Variants in NCOA7 observed in about 807,000 individuals in gnomAD.
NCOA7 encodes 140 kDa estrogen receptor-associated protein.
A neutral mutation model predicts 104.3 loss-of-function variants in NCOA7; 45 were observed. The ratio of observed to expected loss-of-function variants is 0.43; its 90% confidence interval spans 0.34 to 0.55. The LOEUF is 0.55. Among genes scored for constraint, NCOA7 ranks in the 20% least tolerant of loss-of-function variants. The pLI is 0.02. For synonymous variants in NCOA7, 398 were observed against 402.3 expected, an observed-to-expected ratio of 0.99 and a Z score of 0.13; for missense variants, 1,041 against 1,119.7, an observed-to-expected ratio of 0.93 and a Z score of 1.00.
At chr6:125,891,088 A>T (rs989890724) in intron 10 of NCOA7, among the ~76,000 whole-genome samples, 1 of 152,218 alleles carries the variant, frequency 6.6e-6, no homozygotes, top group Non-Finnish European at 1.5e-5. Flanking sequence ...GATGTTCTCA[A>T]GTACCAGTAA....
intron 10 of NCOA7, among the ~76,000 whole-genome samples, chr6:125,892,337 G>T (rs1484088810): frequency 7.2e-5 from 11 of 152,126 alleles, no homozygotes; most frequent in Admixed American, 6.6e-4. Context: ...TTTTAACCCA[G>T]AAGAAATCTT....
chr6:125,866,051 C>T (rs1782416420), intron 3 of NCOA7, among the ~76,000 whole-genome samples: 1 of 136,604 alleles, frequency 7.3e-6, no homozygotes, highest in Admixed American at 6.9e-5. Flanking sequence ...AACTTTAGGC[C>T]GGGCACAGTG....
chr6:125,894,947 G>A (rs922802526), intron 10 of NCOA7, among the ~76,000 whole-genome samples: 6 of 152,076 alleles, frequency 3.9e-5, no homozygotes, highest in Non-Finnish European at 5.9e-5. Context: ...CCTATCCTGA[G>A]AACCTTATGA....
chr6:125,809,696 A>G (rs1420581221), intron 1 of NCOA7, among the ~76,000 whole-genome samples: 1 of 152,244 alleles, frequency 6.6e-6, no homozygotes, highest in African/African-American at 2.4e-5. Context: ...ATGCCTGCAT[A>G]GAAAGGTCCA....
chr6:125,920,257 C>T (rs1787455795), intron 11 of NCOA7, among the ~76,000 whole-genome samples: 1 of 152,200 alleles, frequency 6.6e-6, no homozygotes, highest in African/African-American at 2.4e-5. Flanking sequence ...TCTTTGTACT[C>T]ATGCTCCTGG....
At chr6:125,819,912 A>G (rs1203671276) in intron 2 of NCOA7, among the ~76,000 whole-genome samples, 2 of 152,194 alleles carry the variant, frequency 1.3e-5, no homozygotes, top group African/African-American at 4.8e-5. Flanking sequence ...TTGATTGAAG[A>G]TATCCAAAAT....
intron 2 of NCOA7, among the ~76,000 whole-genome samples, chr6:125,819,263 A>G (rs921351959): frequency 6.6e-6 from 1 of 152,148 alleles, no homozygotes; most frequent in Admixed American, 6.5e-5. Flanking sequence ...ACATCAAAAT[A>G]GAGTTTAAAA....
At chr6:125,849,989 A>G (rs1156514820) in intron 2 of NCOA7, among the ~76,000 whole-genome samples, 1 of 152,108 alleles carries the variant, frequency 6.6e-6, no homozygotes, top group Non-Finnish European at 1.5e-5. Context: ...TGCAAGACCA[A>G]TTTTTTTCAG....
chr6:125,829,307 A>G (rs1778939148), intron 2 of NCOA7, among the ~76,000 whole-genome samples: 1 of 152,216 alleles, frequency 6.6e-6, no homozygotes, highest in African/African-American at 2.4e-5. Flanking sequence ...GTACAATGCT[A>G]GGAGTTAGAG....
chr6:125,850,549 A>G (rs577692571), intron 2 of NCOA7, among the ~76,000 whole-genome samples: 1 of 152,308 alleles, frequency 6.6e-6, no homozygotes, highest in African/African-American at 2.4e-5. Context: ...GTCCCCAAAC[A>G]GTGCTGCCGT....
upstream of NCOA7, among the ~76,000 whole-genome samples, chr6:125,788,605 C>T (rs189314807): frequency 5.4e-3 from 809 of 150,894 alleles, 4 homozygotes; most frequent in Non-Finnish European, 7.2e-3. Flanking sequence ...GTGCAATCTC[C>T]GCTCGCTGCA....
chr6:125,889,835 A>G lies in NCOA7; in HGVS notation c.1781A>G (p.Asn594Ser), dbSNP rs761135818. 5 of 1,613,552 alleles carry G rather than the reference A, an allele frequency of 3.1e-6. No individual in the cohort carries two copies. In the Admixed American group the frequency reaches 8.3e-5, roughly 27 times the overall value. Residue 594 changes from asparagine (N) to serine (S), a missense_variant, in exon 9 of 16, where the codon AAC (asparagine) becomes AGC (serine). Physicochemically the swap from Asn to Ser is conservative, Grantham distance 46. This residue lies in a region of NCOA7 where 914 missense variants were observed against 942.7 expected (regional missense o/e 0.97). Coordinates refer to ENST00000392477, the MANE Select transcript of NCOA7 (RefSeq NM_181782.5). ...GGAGAGCCCCTCCCGGTAAAACTGA[A>G]CTCTTCTACAGAAGCAAATGTGATT... is the stretch of plus-strand genomic sequence containing the variant. ...KKGEPLPVKLNSSTEANVIKE... is the reference protein window; with the variant it reads ...KKGEPLPVKLSSSTEANVIKE...
At chr6:125,817,523 A>G (rs1045312498) in intron 2 of NCOA7, among the ~76,000 whole-genome samples, 1 of 152,174 alleles carries the variant, frequency 6.6e-6, no homozygotes, top group African/African-American at 2.4e-5. Context: ...TGGTTAGTGA[A>G]GTTTAACATT....
At position 125,896,446 on chromosome 6, in the gene NCOA7, G is replaced by T. The variant is rs141453394; in HGVS notation, c.2096+5636G>T. On this transcript the variant is annotated intron_variant, in intron 10 of 15. Coordinates refer to ENST00000392477, the MANE Select transcript of NCOA7 (RefSeq NM_181782.5). ...TTATATAACATCTGTTTGATATAAG[G>T]TAAGGCCAATTGAGGCCGGAGAGTT... is the stretch of plus-strand genomic sequence containing the variant. Among the ~76,000 whole-genome samples the T allele has an allele frequency of 5.1e-3, 777 of 152,278 alleles. 8 individuals are homozygous for T. The highest frequency in any genetic ancestry group is 0.018 in the African/African-American group (747 of 41,568).
Position 125,830,737 on chromosome 6 carries a change from A to ATGTG in NCOA7, c.50+15353_50+15356dup, listed in dbSNP as rs890797445. ...CTATATATTTTATATATATATATAT[A>ATGTG]TGTGTGTGTGTGTGTGTGTGTGTAT... On this transcript the variant is annotated intron_variant, in intron 2 of 15. Coordinates refer to ENST00000392477, the MANE Select transcript of NCOA7 (RefSeq NM_181782.5). Among the ~76,000 whole-genome samples, 402 of 93,012 alleles carry ATGTG rather than the reference A, an allele frequency of 4.3e-3. 1 individual carries two copies. The highest frequency in any genetic ancestry group is 0.013 in the African/African-American group (294 of 22,658). 61.0% of individuals were successfully genotyped at this position (93,012 alleles called of 152,430 possible).
chr6:125,809,275 G>A (rs570455870), intron 1 of NCOA7, among the ~76,000 whole-genome samples: 2 of 152,032 alleles, frequency 1.3e-5, no homozygotes, highest in East Asian at 1.9e-4. Context: ...TGCAACCTCC[G>A]CCTCTCAGGT....
chr6:125,787,455 C>T (rs891090750), upstream of NCOA7, among the ~76,000 whole-genome samples: 1 of 152,194 alleles, frequency 6.6e-6, no homozygotes, highest in Non-Finnish European at 1.5e-5. Flanking sequence ...AGAGATCCAG[C>T]TGCCTCCCAC....
chr6:125,851,348 T>C (rs1249935067), intron 2 of NCOA7, among the ~76,000 whole-genome samples: 1 of 152,186 alleles, frequency 6.6e-6, no homozygotes, highest in Non-Finnish European at 1.5e-5. Flanking sequence ...GAACATGTGA[T>C]ATTTGATTTT....
intron 2 of NCOA7, among the ~76,000 whole-genome samples, chr6:125,840,867 GGTTTTTTTTTTTTT>G (rs1780073285): frequency 2.0e-5 from 1 of 50,656 alleles, no homozygotes. Context: ...TTGTTTGGTT[GGTTTTTTTTTTTTT>G]TTTTTTTTTT....
Sources: allele counts gnomAD v4.1 joint callset (sites outside exome capture counted in the v4.1 genomes callset), GRCh38; gene constraint gnomAD v4.1.1; regional missense constraint gnomAD v4.1.1; transcripts MANE v1.5; gene names NCBI Gene and HGNC (gene_info 2026-07-23, HGNC 2026-07-21).